EYA2: variants seen among roughly 807,000 people sequenced by gnomAD.
EYA2 encodes EYA transcriptional coactivator and phosphatase 2.
EYA2 carries 31 observed loss-of-function variants against 69.2 expected under a neutral mutation model. The ratio of observed to expected loss-of-function variants is 0.45; its 90% CI spans 0.34 to 0.60. The LOEUF (loss-of-function observed/expected upper bound fraction) is 0.60, where lower values mean the gene tolerates loss of function less well. Among genes scored for constraint, EYA2 ranks in the 20% least tolerant of loss-of-function variants. The pLI, the probability that EYA2 is intolerant of heterozygous loss-of-function variation, is 0.02. For missense variants in EYA2, 622 were observed against 701.2 expected (o/e 0.89, Z 1.28); for synonymous variants, 257 against 279.4 (o/e 0.92, Z 0.80).
intron 14 of EYA2, 68 bp from the exon 15 acceptor site, chr20:47,183,223 G>A (rs2034571276): frequency 6.9e-7 from 1 of 1,456,418 alleles, no homozygotes; most frequent in Admixed American, 1.8e-5. Context: ...AGCTCTTAAT[G>A]AGCGGGTATT....
intron 5 of EYA2, among the ~76,000 whole-genome samples, chr20:47,057,858 C>T (rs561163466): frequency 1.2e-3 from 182 of 152,310 alleles, no homozygotes; most frequent in Middle Eastern, 3.4e-3. Flanking sequence ...GGAGGCAGGA[C>T]GGCCTGCTGG....
chr20:47,011,355 G>A (rs983800919), intron 4 of EYA2, among the ~76,000 whole-genome samples: 3 of 152,098 alleles, frequency 2.0e-5, no homozygotes, highest in Non-Finnish European at 2.9e-5. Context: ...CTGCTCAGGG[G>A]GCTGTTGATA....
At chr20:47,079,143 A>G (rs1369451169) in intron 7 of EYA2, among the ~76,000 whole-genome samples, 1 of 152,194 alleles carries the variant, frequency 6.6e-6, no homozygotes, top group Admixed American at 6.5e-5. Context: ...TTTGCTCTAC[A>G]ATATATATGA....
chr20:47,106,717 G>A (rs1379440689), intron 9 of EYA2, among the ~76,000 whole-genome samples: 2 of 152,088 alleles, frequency 1.3e-5, no homozygotes, highest in African/African-American at 2.4e-5. Context: ...CCTGGCACAC[G>A]TGGCAGGGTA....
chr20:46,994,340 T>C (rs912507385), intron 2 of EYA2, among the ~76,000 whole-genome samples: 1 of 152,222 alleles, frequency 6.6e-6, no homozygotes, highest in Admixed American at 6.5e-5. Context: ...TGGATTTGAA[T>C]TGATTGTATC....
chr20:47,095,962 G>T (rs2032234435), intron 8 of EYA2: 1 of 152,200 alleles, frequency 6.6e-6, no homozygotes, highest in Non-Finnish European at 1.5e-5. Flanking sequence ...CACATTGGAG[G>T]TTTCTATCAC....
chr20:47,061,678 T>C (rs569293429), intron 5 of EYA2, among the ~76,000 whole-genome samples: 1 of 152,168 alleles, frequency 6.6e-6, no homozygotes, highest in Non-Finnish European at 1.5e-5. Context: ...AGAGAAAAAG[T>C]GAGACATGTT....
chr20:47,162,948 C>T (rs1289971792), intron 10 of EYA2, among the ~76,000 whole-genome samples: 2 of 152,024 alleles, frequency 1.3e-5, no homozygotes, highest in Non-Finnish European at 2.9e-5. Flanking sequence ...TTTCTTTTTC[C>T]AGTTATGTAC....
At chr20:46,915,350 T>G (rs1462876411) in intron 1 of EYA2, among the ~76,000 whole-genome samples, 1 of 152,234 alleles carries the variant, frequency 6.6e-6, no homozygotes, top group Non-Finnish European at 1.5e-5. Flanking sequence ...CGGTGTCAAA[T>G]TATGCCCCTC....
At chr20:46,955,598 A>G (rs896503966) in intron 1 of EYA2, among the ~76,000 whole-genome samples, 2 of 152,240 alleles carry the variant, frequency 1.3e-5, no homozygotes, top group East Asian at 1.9e-4. Context: ...ATTGTTGGGT[A>G]TATACCCTTG....
At chr20:46,905,934 A>G (rs541147967) in intron 1 of EYA2, among the ~76,000 whole-genome samples, 1 of 152,254 alleles carries the variant, frequency 6.6e-6, no homozygotes, top group South Asian at 2.1e-4. Context: ...CACATTCCTT[A>G]CTGTTCTTCA....
intron 1 of EYA2, among the ~76,000 whole-genome samples, chr20:46,948,234 G>A (rs961297550): frequency 2.0e-5 from 3 of 152,070 alleles, no homozygotes; most frequent in Non-Finnish European, 2.9e-5. Context: ...TTGGCTTTGC[G>A]GGCCATACCA....
chr20:46,972,127 C>T (rs1005283140), intron 1 of EYA2, among the ~76,000 whole-genome samples: 2 of 152,154 alleles, frequency 1.3e-5, no homozygotes, highest in Non-Finnish European at 2.9e-5. Context: ...TTTGAGAAAA[C>T]ACCACAGGTG....
At chr20:47,005,823 C>T (rs1982676830) in intron 4 of EYA2, among the ~76,000 whole-genome samples, 1 of 152,220 alleles carries the variant, frequency 6.6e-6, no homozygotes, top group South Asian at 2.1e-4. Flanking sequence ...CCTGGCTCAC[C>T]ATCCATGCCC....
In EYA2 at chr20:47,155,186, A is replaced by C. The variant is rs556540925; in HGVS notation, c.978+12038A>C. On this transcript the variant is annotated intron_variant, in intron 10 of 15. Transcript: ENST00000327619. ...TTTTCATGTCTTTGTAAGATGAAAA[A>C]TCGAATTATTAGATTCCTCTGCTGT... Among the ~76,000 whole-genome samples the C allele has an allele frequency of 3.3e-5, 5 of 152,078 alleles. No individual in the cohort carries two copies. In the East Asian group the frequency reaches 9.9e-4, roughly 30 times the overall value.
chr20:47,040,893 G>A (rs1437062759), intron 5 of EYA2, among the ~76,000 whole-genome samples: 2 of 152,214 alleles, frequency 1.3e-5, no homozygotes, highest in Non-Finnish European at 2.9e-5. Context: ...TAGGGCTTAT[G>A]TAGCCAGCAT....
chr20:47,054,535 T>C (rs1023117705), intron 5 of EYA2, among the ~76,000 whole-genome samples: 18 of 152,180 alleles, frequency 1.2e-4, no homozygotes, highest in African/African-American at 4.1e-4. Flanking sequence ...CAAGGTGTAC[T>C]GAGTAAAAGC....
chr20:47,116,675 A>AT (rs1430983329), intron 9 of EYA2, among the ~76,000 whole-genome samples: 2 of 152,152 alleles, frequency 1.3e-5, no homozygotes, highest in Non-Finnish European at 2.9e-5. Context: ...TGACCTGCTC[A>AT]TTGACCCACC....
At chr20:46,973,371 C>T (rs956484689) in intron 1 of EYA2, among the ~76,000 whole-genome samples, 3 of 152,118 alleles carry the variant, frequency 2.0e-5, no homozygotes, top group Non-Finnish European at 2.9e-5. Context: ...TAAATGTAGG[C>T]GATACAATAA....
Sources: gnomAD v4.1 joint callset for allele counts (sites outside exome capture counted in the v4.1 genomes callset) on GRCh38, gnomAD v4.1.1 for gene constraint, MANE v1.5 for transcripts, NCBI Gene and HGNC (gene_info 2026-07-23, HGNC 2026-07-21) for gene names.